The following ADAMTS3 variants were observed in gnomAD, a reference collection of about 807,000 sequenced individuals.
The protein encoded by ADAMTS3 is ADAM metallopeptidase with thrombospondin type 1 motif 3.
ADAMTS3 carries 73 observed loss-of-function variants against 129.0 expected under a neutral mutation model. That is an observed-to-expected ratio of 0.57 (90% CI 0.47 to 0.69). The LOEUF (loss-of-function observed/expected upper bound fraction) is 0.69, where lower values mean the gene tolerates loss of function less well. ADAMTS3 is among the 30% of genes least tolerant of loss of function. ADAMTS3 has a pLI of 0.00. For synonymous variants in ADAMTS3, 477 were observed against 510.8 expected, an observed-to-expected ratio of 0.93 and a Z score of 0.89; for missense variants, 1,457 against 1,514.5, an observed-to-expected ratio of 0.96 and a Z score of 0.63.
At chr4:72,332,310 AT>A (rs1719871902) in intron 5 of ADAMTS3, among the ~76,000 whole-genome samples, 1 of 152,246 alleles carries the variant, frequency 6.6e-6, no homozygotes, top group Non-Finnish European at 1.5e-5. Flanking sequence ...TAACTCTTGA[AT>A]AAGTCCATTA....
intron 4 of ADAMTS3, among the ~76,000 whole-genome samples, chr4:72,395,862 T>C (rs1433856509): frequency 1.3e-5 from 2 of 152,146 alleles, no homozygotes; most frequent in Non-Finnish European, 2.9e-5. Context: ...TGTGGATACA[T>C]GGTCCACAAC....
At chr4:72,322,456 A>T (rs78178234) in intron 6 of ADAMTS3, among the ~76,000 whole-genome samples, 1,642 of 152,226 alleles carry the variant, frequency 0.011, 14 homozygotes, top group African/African-American at 0.038. Flanking sequence ...TTTTTATCCA[A>T]CTCTTTGCTT....
intron 3 of ADAMTS3, among the ~76,000 whole-genome samples, chr4:72,531,267 A>C (rs1721034080): frequency 1.3e-5 from 2 of 152,170 alleles, no homozygotes; most frequent in South Asian, 4.1e-4. Flanking sequence ...ATAAGAATCT[A>C]GGTTTTTGGC....
intron 3 of ADAMTS3, among the ~76,000 whole-genome samples, chr4:72,467,518 T>A: frequency 6.6e-6 from 1 of 151,952 alleles, no homozygotes. Context: ...ATCTCCAACT[T>A]CTCCTACATT....
In ADAMTS3 at chr4:72,304,163, C is replaced by T. The variant is rs1719026721; in HGVS notation, c.2261-83G>A. On this transcript the variant is annotated intron_variant, in intron 16 of 21. Transcript: ENST00000286657. ...AAGATTCACAGCAAGTATATCCTTTCTACAAATCAATGACCATGTTTCTTT... is the reference window on the plus strand; with the variant it reads ...AAGATTCACAGCAAGTATATCCTTTTTACAAATCAATGACCATGTTTCTTT... 3.0e-6 allele frequency: 4 copies of T among 1,323,016 alleles called. No individual in the cohort carries two copies. In the Admixed American group the frequency reaches 8.3e-5, roughly 28 times the overall value. 82.0% of individuals were successfully genotyped at this position (1,323,016 alleles called of 1,614,324 possible). A position where few individuals can be genotyped will look rare whatever the true frequency, so the allele number is the denominator to read the frequency against.
intron 6 of ADAMTS3, among the ~76,000 whole-genome samples, chr4:72,321,956 G>T (rs1438109930): frequency 1.3e-5 from 2 of 152,134 alleles, no homozygotes; most frequent in Non-Finnish European, 2.9e-5. Context: ...ACTTCTCAGA[G>T]TAGTTCTGAT....
At chr4:72,388,508 C>G (rs1469290518) in intron 4 of ADAMTS3, among the ~76,000 whole-genome samples, 2 of 152,204 alleles carry the variant, frequency 1.3e-5, no homozygotes, top group Non-Finnish European at 2.9e-5. Context: ...CTCCAGTGTG[C>G]CCCAGTAGCT....
At chr4:72,449,951 T>C (rs747787402) in intron 3 of ADAMTS3, among the ~76,000 whole-genome samples, 3 of 151,788 alleles carry the variant, frequency 2.0e-5, no homozygotes, top group Non-Finnish European at 4.4e-5. Flanking sequence ...ACACTAAACT[T>C]ATTTATCTGC....
intron 4 of ADAMTS3, among the ~76,000 whole-genome samples, chr4:72,390,697 A>G (rs1560497599): frequency 6.6e-6 from 1 of 152,182 alleles, no homozygotes; most frequent in African/African-American, 2.4e-5. Context: ...AGGCTTCAGT[A>G]GCATTTCTCC....
At position 72,319,399 on chromosome 4, in the gene ADAMTS3, C is replaced by T. The variant is rs769113577; in HGVS notation, c.1285G>A (p.Val429Ile). Residue 429 changes from valine (V) to isoleucine (I), a missense_variant, in exon 9 of 22, where the codon GTA (valine) becomes ATA (isoleucine). Physicochemically the swap from Val to Ile is conservative, Grantham distance 29. Transcript: ENST00000286657. ...TGGTAACGATGGAATGCTGCTTGTACCAAGGGAGCCATGACACTTCCCATA... is the reference window on the plus strand; with the variant it reads ...TGGTAACGATGGAATGCTGCTTGTATCAAGGGAGCCATGACACTTCCCATA... The part of the protein sequence containing the change: ...TAMGSVMAPL[V>I]QAAFHRYHWS... The T allele has an allele frequency of 6.2e-7, 1 of 1,613,922 alleles. No individual in the cohort carries two copies. The highest frequency in any genetic ancestry group is 1.7e-5 in the Admixed American group (1 of 59,996).
intron 4 of ADAMTS3, among the ~76,000 whole-genome samples, chr4:72,340,229 T>A (rs566960221): frequency 4.6e-5 from 7 of 152,212 alleles, no homozygotes; most frequent in South Asian, 2.1e-4. Context: ...TCAGTCACTA[T>A]GTATTGCTTT....
chr4:72,422,456 G>T (rs960604353), intron 3 of ADAMTS3, among the ~76,000 whole-genome samples: 2 of 151,728 alleles, frequency 1.3e-5, no homozygotes, highest in African/African-American at 4.8e-5. Context: ...TTTATTTTTA[G>T]TATAGCATTA....
At chr4:72,411,800 T>C (rs1381275911) in intron 4 of ADAMTS3, among the ~76,000 whole-genome samples, 1 of 152,090 alleles carries the variant, frequency 6.6e-6, no homozygotes, top group Non-Finnish European at 1.5e-5. Context: ...TCTCTAGTCT[T>C]CTAGATTAGA....
At chr4:72,514,654 T>A (rs1720407967) in intron 3 of ADAMTS3, among the ~76,000 whole-genome samples, 1 of 152,120 alleles carries the variant, frequency 6.6e-6, no homozygotes, top group African/African-American at 2.4e-5. Flanking sequence ...GATGGTAAAC[T>A]TTTTGAGAGT....
intron 5 of ADAMTS3, among the ~76,000 whole-genome samples, chr4:72,337,101 G>C (rs1447128939): frequency 6.6e-6 from 1 of 152,082 alleles, no homozygotes; most frequent in Middle Eastern, 3.2e-3. Flanking sequence ...AGTTGGGGAG[G>C]GAAGGGGAGG....
intron 3 of ADAMTS3, among the ~76,000 whole-genome samples, chr4:72,520,098 G>A (rs1720619056): frequency 6.6e-6 from 1 of 152,178 alleles, no homozygotes; most frequent in Non-Finnish European, 1.5e-5. Context: ...TTTGCTAGAG[G>A]TCCACTTCAG....
intron 3 of ADAMTS3, among the ~76,000 whole-genome samples, chr4:72,416,212 A>T (rs78083440): frequency 3.5e-4 from 10 of 28,204 alleles, no homozygotes; most frequent in African/African-American, 7.7e-4. Flanking sequence ...TAAATAAATA[A>T]ATATATATAT....
At chr4:72,300,469 C>T (rs1037100679) in intron 17 of ADAMTS3, among the ~76,000 whole-genome samples, 1 of 152,044 alleles carries the variant, frequency 6.6e-6, no homozygotes, top group Non-Finnish European at 1.5e-5. Context: ...TTCTGGCCTC[C>T]AATCATTCAT....
intron 3 of ADAMTS3, among the ~76,000 whole-genome samples, chr4:72,540,649 T>C (rs1312814420): frequency 2.0e-5 from 3 of 152,130 alleles, no homozygotes; most frequent in African/African-American, 4.8e-5. Flanking sequence ...CCCAGCGTTG[T>C]CATGCTGTGT....
Sources: gnomAD v4.1 joint callset for allele counts (sites outside exome capture counted in the v4.1 genomes callset) on GRCh38, gnomAD v4.1.1 for gene constraint, MANE v1.5 for transcripts, NCBI Gene and HGNC (gene_info 2026-07-23, HGNC 2026-07-21) for gene names.